SKIC3: variants seen among roughly 807,000 people sequenced by gnomAD.
The protein encoded by SKIC3 is superkiller complex protein 3.
the SKIC3 span, among the ~76,000 whole-genome samples, chr5:95,468,961 T>C: frequency 2.0e-5 from 3 of 152,284 alleles, no homozygotes; most frequent in East Asian, 3.9e-4. Flanking sequence ...AATAAATAAA[T>C]GTTAATAAAT....
chr5:95,535,964 T>C, the SKIC3 span, among the ~76,000 whole-genome samples: 1 of 151,908 alleles, frequency 6.6e-6, no homozygotes, highest in Admixed American at 6.6e-5. Flanking sequence ...CTCAAGAGAG[T>C]AGGGCATGAA....
At chr5:95,521,733 T>C in the SKIC3 span, among the ~76,000 whole-genome samples, 1 of 152,130 alleles carries the variant, frequency 6.6e-6, no homozygotes, top group Non-Finnish European at 1.5e-5. Context: ...TAAGATATTC[T>C]GGAGACATGA....
chr5:95,515,624 A>T, the SKIC3 span, among the ~76,000 whole-genome samples: 98 of 152,228 alleles, frequency 6.4e-4, no homozygotes, highest in Middle Eastern at 3.4e-3. Flanking sequence ...TATTTAAATT[A>T]AAAAAAGTTC....
chr5:95,491,110 T>C, the SKIC3 span: 5 of 1,577,812 alleles, frequency 3.2e-6, no homozygotes, highest in Non-Finnish European at 4.3e-6. Flanking sequence ...AAAAATGAGA[T>C]TAAGAGTTTA....
At chr5:95,553,115 A>C in the SKIC3 span, among the ~76,000 whole-genome samples, 1 of 152,202 alleles carries the variant, frequency 6.6e-6, no homozygotes, top group Non-Finnish European at 1.5e-5. Context: ...GATAAACTGA[A>C]TGTCAGATGG....
the SKIC3 span, chr5:95,524,569 C>G: frequency 2.5e-6 from 4 of 1,613,578 alleles, no homozygotes; most frequent in Non-Finnish European, 3.4e-6. Flanking sequence ...ACTTCGGTAT[C>G]TTTCTCAAGA....
chr5:95,489,274 T>TA, the SKIC3 span, among the ~76,000 whole-genome samples: 262 of 145,508 alleles, frequency 1.8e-3, no homozygotes, highest in African/African-American at 4.4e-3. Context: ...CCTCATCTCT[T>TA]AAAAAAAAAA....
At chr5:95,549,707 G>GC in the SKIC3 span, among the ~76,000 whole-genome samples, 1 of 151,676 alleles carries the variant, frequency 6.6e-6, no homozygotes, top group East Asian at 1.9e-4. Flanking sequence ...AAAATAATCT[G>GC]CCCCTTTTCA....
chr5:95,490,420 AAT>A, the SKIC3 span, among the ~76,000 whole-genome samples: 520 of 147,828 alleles, frequency 3.5e-3, 1 homozygote, highest in African/African-American at 0.012. Flanking sequence ...ACATTATTTA[AAT>A]ATATATATTC....
At chr5:95,516,398 T>C in the SKIC3 span, 3 of 1,613,140 alleles carry the variant, frequency 1.9e-6, no homozygotes, top group Admixed American at 1.7e-5. Flanking sequence ...AGTTGGTCCA[T>C]GCAACAGCAT....
At chr5:95,478,788 A>T in the SKIC3 span, among the ~76,000 whole-genome samples, 2 of 152,176 alleles carry the variant, frequency 1.3e-5, no homozygotes, top group African/African-American at 4.8e-5. Context: ...AGATGCCATT[A>T]AAAAAGTTTT....
At chr5:95,546,486 T>C in the SKIC3 span, among the ~76,000 whole-genome samples, 1 of 152,116 alleles carries the variant, frequency 6.6e-6, no homozygotes, top group Admixed American at 6.5e-5. Flanking sequence ...AGAAAGCTTT[T>C]CCCAACACCA....
chr5:95,498,665 G>A, the SKIC3 span: 143 of 1,391,226 alleles, frequency 1.0e-4, no homozygotes, highest in East Asian at 3.5e-3. Flanking sequence ...TCGCTCTGTC[G>A]CCCAGGCTGG....
the SKIC3 span, among the ~76,000 whole-genome samples, chr5:95,526,250 C>CTT: frequency 6.7e-6 from 1 of 149,332 alleles, no homozygotes; most frequent in Non-Finnish European, 1.5e-5. Context: ...CCCTCCTTCT[C>CTT]TTTTTTTTTT....
chr5:95,513,526 CTT>C, the SKIC3 span: 1 of 1,588,228 alleles, frequency 6.3e-7, no homozygotes, highest in South Asian at 1.1e-5. Context: ...AAGGATAACA[CTT>C]TTCTCATTAA....
At chr5:95,515,497 A>T in the SKIC3 span, among the ~76,000 whole-genome samples, 1 of 152,122 alleles carries the variant, frequency 6.6e-6, no homozygotes, top group African/African-American at 2.4e-5. Flanking sequence ...TTTTCTCAAC[A>T]ATCTATGTAT....
the SKIC3 span, among the ~76,000 whole-genome samples, chr5:95,546,339 G>GAAAAAAAAAAAAAAAAA: frequency 1.7e-5 from 1 of 57,520 alleles, no homozygotes; most frequent in African/African-American, 6.8e-5. Context: ...CCCACCATGA[G>GAAAAAAAAAAAAAAAAA]AAAAAAAAAA....
the SKIC3 span, chr5:95,502,841 T>C: frequency 6.2e-7 from 1 of 1,609,104 alleles, no homozygotes; most frequent in South Asian, 1.1e-5. Flanking sequence ...AATATCTAAG[T>C]ATCTGGTCAT....
At chr5:95,477,586 TCTA>T in the SKIC3 span, among the ~76,000 whole-genome samples, 4 of 152,312 alleles carry the variant, frequency 2.6e-5, no homozygotes, top group African/African-American at 9.6e-5. Context: ...AAAATTCTCC[TCTA>T]CTATCCTTTA....
Sources: gnomAD v4.1 joint callset for allele counts (sites outside exome capture counted in the v4.1 genomes callset) on GRCh38, gnomAD v4.1.1 for gene constraint, MANE v1.5 for transcripts, NCBI Gene and HGNC (gene_info 2026-07-23, HGNC 2026-07-21) for gene names.